Variants in HOXD11 observed in about 807,000 individuals in gnomAD.
The protein encoded by HOXD11 is homeobox D11, also known as homeobox protein Hox-D11.
A neutral mutation model predicts 23.1 loss-of-function variants in HOXD11; 16 were observed. That is an observed-to-expected ratio of 0.69 (90% CI 0.47 to 1.05). The LOEUF is 1.05. HOXD11 is among the 50% of genes least tolerant of loss of function. HOXD11 has a pLI of 0.00. For synonymous variants in HOXD11, 262 were observed against 224.4 expected (o/e 1.17, Z -1.50); for missense variants, 564 against 495.6 (o/e 1.14, Z -1.31).
intron 1 of HOXD11, 133 bp downstream of exon 1, chr2:176,108,269 A>AG: frequency 1.2e-5 from 7 of 594,948 alleles, no homozygotes; most frequent in Non-Finnish European, 1.8e-5. Context: ...ACATCCTATA[A>AG]GATTTCCTGG....
At position 176,109,382 on chromosome 2, in the gene HOXD11, A is replaced by G. The variant is rs1473924139; in HGVS notation, c.*240A>G. ...TGGTAAATGCAAACGTCCCGTTACA[A>G]TTTTACCGCCAGTGTGCTGTCGTTC... On this transcript the variant is annotated 3_prime_UTR_variant, in exon 2 of 2. Coordinates refer to ENST00000249504, the MANE Select transcript of HOXD11 (RefSeq NM_021192.3). 3 of 461,244 alleles carry G rather than the reference A, an allele frequency of 6.5e-6. No individual in the cohort carries two copies. The highest frequency in any genetic ancestry group is 1.2e-5 in the Non-Finnish European group (3 of 256,814). 28.6% of individuals were successfully genotyped at this position (461,244 alleles called of 1,614,324 possible). A position where few individuals can be genotyped will look rare whatever the true frequency, so the allele number is the denominator to read the frequency against.
downstream of HOXD11, among the ~76,000 whole-genome samples, chr2:176,113,250 G>A (rs890212289): frequency 6.6e-6 from 1 of 152,292 alleles, no homozygotes; most frequent in Non-Finnish European, 1.5e-5. Context: ...CTAATCCGGG[G>A]TGACCCTAAG....
Position 176,107,682 on chromosome 2 carries a change from G to GGCGGCGGCGGCGGCT in HOXD11, c.336_350dup (p.Ala116_Ala120dup). The GGCGGCGGCGGCGGCT allele has an allele frequency of 1.0e-6, 1 of 991,858 alleles. No individual in the cohort carries two copies. The highest frequency in any genetic ancestry group is 1.2e-6 in the Non-Finnish European group (1 of 836,550). The allele number at this position is 991,858 out of a possible 1,614,324, so 61.4% of individuals were successfully genotyped here. On this transcript the variant is annotated inframe_insertion, in exon 1 of 2. Transcript: ENST00000249504. The stretch of plus-strand genomic sequence containing the variant: ...GGGGCTACGCTCCCTACTACGCGGC[G>GGCGGCGGCGGCGGCT]GCGGCGGCGGCGGCTGCGGCGGCCG...
downstream of HOXD11, among the ~76,000 whole-genome samples, chr2:176,112,045 G>A (rs1689683037): frequency 6.6e-6 from 1 of 152,140 alleles, no homozygotes; most frequent in Non-Finnish European, 1.5e-5. Context: ...GAGTGGCGCC[G>A]GCAGGACTGT....
In HOXD11 at chr2:176,107,683, G is replaced by T. The variant is rs1574949136; in HGVS notation, c.328G>T (p.Ala110Ser). 1.0e-6 allele frequency: 1 copy of T among 994,072 alleles called. No homozygotes were observed. The highest frequency in any genetic ancestry group is 1.2e-6 in the Non-Finnish European group (1 of 838,322). 61.6% of individuals were successfully genotyped at this position (994,072 alleles called of 1,614,324 possible). Residue 110 changes from alanine to serine, a missense_variant, in exon 1 of 2, where the codon GCG (alanine) becomes TCG (serine). Ala to Ser is a moderately conservative substitution (Grantham distance 99). Transcript: ENST00000249504. ...GGGCTACGCTCCCTACTACGCGGCG[G>T]CGGCGGCGGCGGCTGCGGCGGCCGC... ...AGGYAPYYAA[A>S]AAAAAAAAAA...
chr2:176,115,085 G>A, the HOXD11 span, among the ~76,000 whole-genome samples: 2 of 152,282 alleles, frequency 1.3e-5, no homozygotes, highest in Non-Finnish European at 2.9e-5. Flanking sequence ...CAGCAAGAGA[G>A]GGAGGGAGGA....
chr2:176,111,963 G>T (rs556839156), downstream of HOXD11, among the ~76,000 whole-genome samples: 1 of 151,620 alleles, frequency 6.6e-6, no homozygotes, highest in Non-Finnish European at 1.5e-5. Context: ...AAAATAAGAC[G>T]CATGGGGGAC....
the HOXD11 span, among the ~76,000 whole-genome samples, chr2:176,114,843 G>A: frequency 6.6e-6 from 1 of 152,240 alleles, no homozygotes; most frequent in African/African-American, 2.4e-5. Context: ...ATGCCCCAGC[G>A]AGTACGGGGA....
In HOXD11 at chr2:176,107,297, G is replaced by C; in HGVS notation, c.-59G>C. The C allele has an allele frequency of 6.4e-7, 1 of 1,558,578 alleles. No individual in the cohort carries two copies. On this transcript the variant is annotated 5_prime_UTR_variant, in exon 1 of 2. Coordinates refer to ENST00000249504, the MANE Select transcript of HOXD11 (RefSeq NM_021192.3). ...GCCCAAGCCTCTTGTGCAATCGATG[G>C]CTCAGGTTGGCTGCGCGGGGAGCGG...
chr2:176,112,621 C>T (rs968203615), downstream of HOXD11, among the ~76,000 whole-genome samples: 2 of 152,230 alleles, frequency 1.3e-5, no homozygotes, highest in African/African-American at 4.8e-5. Flanking sequence ...CTAGTCTGAC[C>T]GCCGGTCCAC....
chr2:176,115,030 T>C, the HOXD11 span, among the ~76,000 whole-genome samples: 1 of 152,270 alleles, frequency 6.6e-6, no homozygotes, highest in Non-Finnish European at 1.5e-5. Context: ...AGCTCCCCGC[T>C]GCTGCCCCGA....
Position 176,107,486 on chromosome 2 carries a change from C to G in HOXD11, c.131C>G (p.Thr44Ser), listed in dbSNP as rs1350464379. The change falls in exon 1 of 2, where the codon ACT (threonine) becomes AGT (serine). Residue 44 changes from threonine to serine, a missense_variant. Coordinates refer to ENST00000249504, the MANE Select transcript of HOXD11 (RefSeq NM_021192.3). ...FLSQPSSCQM[T>S]FPYSSNLAPH... Reference sequence around the variant, plus strand: ...TCCCAACCGTCGTCCTGCCAGATGACTTTCCCCTACTCTTCCAACCTGGCT... The same window carrying G: ...TCCCAACCGTCGTCCTGCCAGATGAGTTTCCCCTACTCTTCCAACCTGGCT... The G allele has an allele frequency of 6.2e-7, 1 of 1,613,848 alleles. No individual in the cohort carries two copies. The highest frequency in any genetic ancestry group is 8.5e-7 in the Non-Finnish European group (1 of 1,179,924).
chr2:176,113,126 T>C (rs1244343737), downstream of HOXD11, among the ~76,000 whole-genome samples: 1 of 152,194 alleles, frequency 6.6e-6, no homozygotes, highest in African/African-American at 2.4e-5. Flanking sequence ...TCCTTTCACC[T>C]TGGCTTGGAG....
In HOXD11 at chr2:176,109,411, C is replaced by T. The variant is rs951228511; in HGVS notation, c.*269C>T. 7.4e-6 allele frequency: 3 copies of T among 406,346 alleles called. No individual in the cohort carries two copies. Among genetic ancestry groups the T allele is most frequent in the African/African-American group, 6.0e-5 (3 of 50,354 alleles). The allele number at this position is 406,346 out of a possible 1,614,324, so 25.2% of individuals were successfully genotyped here. On this transcript the variant is annotated 3_prime_UTR_variant, in exon 2 of 2. Transcript: ENST00000249504. ...TACCGCCAGTGTGCTGTCGTTCCCC[C>T]TCCCCCTCTCCGAGTCCTCGTGGGG...
downstream of HOXD11, among the ~76,000 whole-genome samples, chr2:176,111,826 C>CAAAACAAAAAAAAA (rs1689676556): frequency 4.4e-5 from 1 of 22,740 alleles, no homozygotes; most frequent in Non-Finnish European, 7.5e-5. Context: ...CTCCCCCCCG[C>CAAAACAAAAAAAAA]AAAAAAAAAA....
chr2:176,109,602 G>A lies in HOXD11; in HGVS notation c.*460G>A. On this transcript the variant is annotated 3_prime_UTR_variant, in exon 2 of 2. Coordinates refer to ENST00000249504, the MANE Select transcript of HOXD11 (RefSeq NM_021192.3). The stretch of plus-strand genomic sequence containing the variant: ...CTGTCATATCAAGGCATGAGTCACT[G>A]TCTTTTTTTGTGTGAATAAATGGTT... The A allele has an allele frequency of 4.3e-6, 1 of 231,282 alleles. No homozygotes were observed. The highest frequency in any genetic ancestry group is 8.6e-6 in the Non-Finnish European group (1 of 116,790). 14.3% of individuals were successfully genotyped at this position (231,282 alleles called of 1,614,324 possible). A position where few individuals can be genotyped will look rare whatever the true frequency, so the allele number is the denominator to read the frequency against.
At chr2:176,113,439 C>T (rs1317223306), downstream of HOXD11, among the ~76,000 whole-genome samples, 1 of 152,228 alleles carries the variant, frequency 6.6e-6, no homozygotes, top group Non-Finnish European at 1.5e-5. Flanking sequence ...GGGTATTCAT[C>T]TCCTTTATGG....
In HOXD11 at chr2:176,109,424, A is replaced by G; in HGVS notation, c.*282A>G. 1 of 384,256 alleles carries G rather than the reference A, an allele frequency of 2.6e-6. No individual in the cohort carries two copies. The highest frequency in any genetic ancestry group is 4.3e-5 in the East Asian group (1 of 23,512). 23.8% of individuals were successfully genotyped at this position (384,256 alleles called of 1,614,324 possible). On this transcript the variant is annotated 3_prime_UTR_variant, in exon 2 of 2. Transcript: ENST00000249504. Reference sequence around the variant, plus strand: ...CTGTCGTTCCCCCTCCCCCTCTCCGAGTCCTCGTGGGGACACGGCGGGGTC... The same window carrying G: ...CTGTCGTTCCCCCTCCCCCTCTCCGGGTCCTCGTGGGGACACGGCGGGGTC...
chr2:176,107,891 A>G lies in HOXD11; in HGVS notation c.536A>G (p.Asp179Gly). The G allele has an allele frequency of 6.9e-7, 1 of 1,454,930 alleles. No individual in the cohort carries two copies. The highest frequency in any genetic ancestry group is 9.1e-7 in the Non-Finnish European group (1 of 1,102,146). 90.1% of individuals were successfully genotyped at this position (1,454,930 alleles called of 1,614,324 possible). A position where few individuals can be genotyped will look rare whatever the true frequency, so the allele number is the denominator to read the frequency against. ...AATGGCATCTTGCCACAGGGCTTCG[A>G]CCAGTTCTACGAGGCAGCGCCCGGG... is the stretch of plus-strand genomic sequence containing the variant. Reference protein sequence around the residue: ...GRNGILPQGFDQFYEAAPGPP... With the variant: ...GRNGILPQGFGQFYEAAPGPP... The change falls in exon 1 of 2, where the codon GAC becomes GGC. Residue 179 changes from aspartate (D) to glycine (G), a missense_variant. Transcript: ENST00000249504.
Sources: allele counts gnomAD v4.1 joint callset (sites outside exome capture counted in the v4.1 genomes callset), GRCh38; gene constraint gnomAD v4.1.1; transcripts MANE v1.5; gene names NCBI Gene and HGNC (gene_info 2026-07-23, HGNC 2026-07-21).